CST9L: variants seen among roughly 807,000 people sequenced by gnomAD.
CST9L encodes cystatin 9 like.
CST9L carries 17 observed loss-of-function variants against 13.2 expected under a neutral mutation model. That is an observed-to-expected ratio of 1.29 (90% CI 0.88 to 1.93). The LOEUF (loss-of-function observed/expected upper bound fraction) is 1.93. Among genes scored for constraint, CST9L ranks in the 30% most tolerant of loss-of-function variants. CST9L has a pLI of 0.00. For synonymous variants in CST9L, 78 were observed against 69.1 expected, an observed-to-expected ratio of 1.13 and a Z score of -0.64; for missense variants, 170 against 170.5, an observed-to-expected ratio of 1.00 and a Z score of 0.02.
At position 23,568,355 on chromosome 20, in the gene CST9L, G is replaced by T. The variant is rs145793842; in HGVS notation, c.96C>A (p.His32Gln). 2.4e-4 allele frequency: 382 copies of T among 1,614,208 alleles called. No individual in the cohort carries two copies. The African/African-American group carries it at 3.9e-3, about 17-fold the overall frequency. Residue 32 changes from histidine to glutamine, a missense_variant, in exon 1 of 3, where the codon CAC becomes CAA. Physicochemically the swap from His to Gln is conservative, Grantham distance 24. Coordinates refer to ENST00000376979, the MANE Select transcript of CST9L (RefSeq NM_080610.3). The part of the protein sequence containing the change: ...QILLIYAWHF[H>Q]EQRDCDEHNV... ...TGTGTTCATCACAGTCCCTTTGCTC[G>T]TGGAAATGCCAGGCATAGATCAGCA... is the stretch of plus-strand genomic sequence containing the variant.
At chr20:23,568,117 C>G in intron 1 of CST9L, 94 bp downstream of exon 1, 1 of 1,315,236 alleles carries the variant, frequency 7.6e-7, no homozygotes, top group Non-Finnish European at 1.1e-6. Context: ...GTGAACAAGA[C>G]TCTTCAATAA....
rs1381785386 is a variant in CST9L, at chr20:23,564,842, A to T, written c.*106T>A. On this transcript the variant is annotated 3_prime_UTR_variant, in exon 3 of 3. Coordinates refer to ENST00000376979, the MANE Select transcript of CST9L (RefSeq NM_080610.3). Reference sequence around the variant, plus strand: ...TCAAACACATGCAAAATAGGATAACAAACAAGTCCAAAGCTGCTCAGCCAC... The same window carrying T: ...TCAAACACATGCAAAATAGGATAACTAACAAGTCCAAAGCTGCTCAGCCAC... 4 of 796,964 alleles carry T rather than the reference A, an allele frequency of 5.0e-6. No individual in the cohort carries two copies. The highest frequency in any genetic ancestry group is 8.9e-6 in the Non-Finnish European group (4 of 448,712). 49.4% of individuals were successfully genotyped at this position (796,964 alleles called of 1,614,324 possible).
rs1989066852 is a variant in CST9L at position 23,564,772 on chromosome 20, T to G, written c.*176A>C. ...ATGTTTAATGATCTACACTACATGATTAGGCTCAAGATGTGTGGATTTTCT... is the reference window on the plus strand; with the variant it reads ...ATGTTTAATGATCTACACTACATGAGTAGGCTCAAGATGTGTGGATTTTCT... On this transcript the variant is annotated 3_prime_UTR_variant, in exon 3 of 3. Coordinates refer to ENST00000376979, the MANE Select transcript of CST9L (RefSeq NM_080610.3). The G allele has an allele frequency of 6.6e-6, 4 of 607,828 alleles. No individual in the cohort carries two copies. 37.7% of individuals were successfully genotyped at this position (607,828 alleles called of 1,614,324 possible).
chr20:23,567,108 G>T (rs1211029915), intron 1 of CST9L, among the ~76,000 whole-genome samples: 2 of 152,136 alleles, frequency 1.3e-5, no homozygotes, highest in African/African-American at 4.8e-5. Flanking sequence ...CTTGCACAGG[G>T]TCTTTCCAGA....
rs200161050 is a variant in CST9L, at chr20:23,568,287, A to G, written c.164T>C (p.Val55Ala). Reference protein sequence around the residue: ...RYLPATVEFAVHTFNQQSKDY... With the variant: ...RYLPATVEFAAHTFNQQSKDY... Reference sequence around the variant, plus strand: ...CTTGCTCTGTTGGTTGAATGTGTGGACAGCAAACTCCACTGTGGCAGGGAG... The same window carrying G: ...CTTGCTCTGTTGGTTGAATGTGTGGGCAGCAAACTCCACTGTGGCAGGGAG... Residue 55 changes from valine (V) to alanine (A), a missense_variant, in exon 1 of 3, where the codon GTC (valine) becomes GCC (alanine). Physicochemically the swap from Val to Ala is moderately conservative, Grantham distance 64 (BLOSUM62 0). Coordinates refer to ENST00000376979, the MANE Select transcript of CST9L (RefSeq NM_080610.3). 6.2e-7 allele frequency: 1 copy of G among 1,614,126 alleles called. No homozygotes were observed. Among genetic ancestry groups the G allele is most frequent in the African/African-American group, 1.3e-5 (1 of 75,012 alleles).
intron 2 of CST9L, among the ~76,000 whole-genome samples, chr20:23,565,589 A>T (rs1199497388): frequency 2.0e-5 from 3 of 152,124 alleles, no homozygotes; most frequent in African/African-American, 7.2e-5. Context: ...TGAGAACTGC[A>T]TCCACAGACA....
At chr20:23,567,175 A>G (rs937130364) in intron 1 of CST9L, among the ~76,000 whole-genome samples, 2 of 152,064 alleles carry the variant, frequency 1.3e-5, no homozygotes, top group African/African-American at 4.8e-5. Context: ...GGTTTCAGTA[A>G]TGAGGTAGGA....
chr20:23,568,077 T>C (rs1733306424), intron 1 of CST9L, 134 bp downstream of exon 1: 2 of 823,738 alleles, frequency 2.4e-6, no homozygotes, highest in Admixed American at 2.7e-5. Flanking sequence ...CTAAACTACC[T>C]TGTATTTTCT....
chr20:23,568,388 G>A lies in CST9L; in HGVS notation c.63C>T (p.Ser21=). 1.9e-6 allele frequency: 3 copies of A among 1,614,170 alleles called. No homozygotes were observed. Among genetic ancestry groups the A allele is most frequent in the South Asian group, 2.2e-5 (2 of 91,082 alleles). ...GCCAGGCATAGATCAGCAGGATCTG[G>A]GAGCCTAAGAGAAGCAGCAGCAGCG... The part of the protein sequence containing the change: ...SWALLLLLLG[S]QILLIYAWHF... Residue 21 remains serine (S), a synonymous_variant, in exon 1 of 3, where the codon TCC becomes TCT. Coordinates refer to ENST00000376979, the MANE Select transcript of CST9L (RefSeq NM_080610.3).
intron 2 of CST9L, among the ~76,000 whole-genome samples, chr20:23,565,500 T>G (rs1222641804): frequency 1.3e-5 from 2 of 152,100 alleles, no homozygotes; most frequent in African/African-American, 4.8e-5. Flanking sequence ...GCAGCTCAGC[T>G]CAGGGCCTGG....
rs769999853 is a variant in CST9L, at chr20:23,568,315, A to G, written c.136T>C (p.Tyr46His). The change falls in exon 1 of 3, where the codon TAC becomes CAC. Residue 46 changes from tyrosine (Y) to histidine (H), a missense_variant. Physicochemically the swap from Tyr to His is moderately conservative, Grantham distance 83. Transcript: ENST00000376979. Reference protein sequence around the residue: ...DCDEHNVMARYLPATVEFAVH... With the variant: ...DCDEHNVMARHLPATVEFAVH... The stretch of plus-strand genomic sequence containing the variant: ...GCAAACTCCACTGTGGCAGGGAGGT[A>G]ACGAGCCATGACATTGTGTTCATCA... 3 of 1,614,056 alleles carry G rather than the reference A, an allele frequency of 1.9e-6. No individual in the cohort carries two copies. The highest frequency in any genetic ancestry group is 1.7e-5 in the Admixed American group (1 of 60,000).
intron 2 of CST9L, 94 bp from the exon 3 acceptor site, chr20:23,565,131 C>T (rs1989073432): frequency 1.1e-6 from 1 of 895,986 alleles, no homozygotes; most frequent in Non-Finnish European, 1.9e-6. Context: ...TCCACATTGC[C>T]CTTTCCCAGG....
intron 1 of CST9L, among the ~76,000 whole-genome samples, chr20:23,566,923 C>G (rs1266351291): frequency 2.0e-5 from 3 of 152,074 alleles, no homozygotes; most frequent in Admixed American, 1.3e-4. Context: ...ACCATCTGCC[C>G]TATTGCAAAG....
At chr20:23,566,661 G>A (rs983106832) in intron 1 of CST9L, among the ~76,000 whole-genome samples, 7 of 152,048 alleles carry the variant, frequency 4.6e-5, no homozygotes, top group African/African-American at 7.2e-5. Context: ...TGGGGTGGGT[G>A]AATAATGAGG....
In CST9L at chr20:23,564,896, T is replaced by A. The variant is rs1989068819; in HGVS notation, c.*52A>T. 3 of 1,260,186 alleles carry A rather than the reference T, an allele frequency of 2.4e-6. No homozygotes were observed. In the East Asian group the frequency reaches 6.9e-5, roughly 29 times the overall value. 78.1% of individuals were successfully genotyped at this position (1,260,186 alleles called of 1,614,324 possible). On this transcript the variant is annotated 3_prime_UTR_variant, in exon 3 of 3. Coordinates refer to ENST00000376979, the MANE Select transcript of CST9L (RefSeq NM_080610.3). ...AGAGTCCTCAGGAGAGTAGTGCTGATGTCCACGGAATGTGGGAGCAGCACA... is the reference window on the plus strand; with the variant it reads ...AGAGTCCTCAGGAGAGTAGTGCTGAAGTCCACGGAATGTGGGAGCAGCACA...
intron 2 of CST9L, 22 bp from the exon 3 acceptor site, chr20:23,565,059 G>T (rs1223732787): frequency 1.3e-6 from 2 of 1,565,548 alleles, no homozygotes; most frequent in African/African-American, 2.7e-5. Context: ...AGCACAGGAA[G>T]GGACAGTGGG....
intron 2 of CST9L, 55 bp downstream of exon 2, chr20:23,565,919 A>T: frequency 1.0e-6 from 1 of 960,366 alleles, no homozygotes; most frequent in Non-Finnish European, 1.7e-6. Flanking sequence ...CCCACACCAC[A>T]CCCCATGTGG....
At chr20:23,565,517 G>A (rs1201258063) in intron 2 of CST9L, among the ~76,000 whole-genome samples, 1 of 152,158 alleles carries the variant, frequency 6.6e-6, no homozygotes, top group East Asian at 1.9e-4. Flanking sequence ...CTGGGAGGGA[G>A]GGTAGTGGGG....
rs1304182632 is a variant in CST9L, at chr20:23,568,407, A to G, written c.44T>C (p.Leu15Pro). ...PWKGGLSWALLLLLLGSQILL... is the reference protein window; with the variant it reads ...PWKGGLSWALPLLLLGSQILL... The stretch of plus-strand genomic sequence containing the variant: ...GATCTGGGAGCCTAAGAGAAGCAGC[A>G]GCAGCGCCCAGGACAGACCTCCCTT... The change falls in exon 1 of 3, where the codon CTG becomes CCG. Residue 15 changes from leucine (L) to proline (P), a missense_variant. By Grantham distance (98) the Leu-to-Pro change is moderately conservative. Transcript: ENST00000376979. 18 of 1,614,078 alleles carry G rather than the reference A, an allele frequency of 1.1e-5. No individual in the cohort carries two copies. The highest frequency in any genetic ancestry group is 1.5e-5 in the Non-Finnish European group (18 of 1,180,034).
Sources: allele counts gnomAD v4.1 joint callset (sites outside exome capture counted in the v4.1 genomes callset), GRCh38; gene constraint gnomAD v4.1.1; transcripts MANE v1.5; gene names NCBI Gene and HGNC (gene_info 2026-07-23, HGNC 2026-07-21).